Variants in LARP1B observed in about 807,000 individuals in gnomAD.
LARP1B encodes the protein La ribonucleoprotein 1B, also known as la-related protein 1B.
In LARP1B, 76 loss-of-function variants were observed where a neutral mutation model predicts 114.2. That is an observed-to-expected ratio of 0.67 (90% CI 0.55 to 0.81). LARP1B has a LOEUF of 0.81. Ranked by LOEUF, LARP1B falls within the 30% of genes least tolerant of loss-of-function variation. LARP1B has a pLI of 0.00. For synonymous variants in LARP1B, 345 were observed against 348.0 expected (o/e 0.99, Z 0.10); for missense variants, 1,014 against 1,075.8 (o/e 0.94, Z 0.80).
At chr4:128,106,804 T>C (rs1165679455) in intron 8 of LARP1B, among the ~76,000 whole-genome samples, 1 of 152,136 alleles carries the variant, frequency 6.6e-6, no homozygotes, top group African/African-American at 2.4e-5. Context: ...ACATTTTATT[T>C]GGTAATATTT....
intron 4 of LARP1B, among the ~76,000 whole-genome samples, chr4:128,079,092 C>CTT (rs75874776): frequency 5.0e-4 from 71 of 142,266 alleles, no homozygotes; most frequent in South Asian, 8.8e-4. Context: ...AATAGTTTGT[C>CTT]TTTTTTTTTT....
chr4:128,153,583 C>T (rs147047154), intron 11 of LARP1B, among the ~76,000 whole-genome samples: 100 of 152,332 alleles, frequency 6.6e-4, no homozygotes, highest in Non-Finnish European at 1.1e-3. Flanking sequence ...GAATTACAGG[C>T]ATGAGCCACA....
At chr4:128,118,358 A>G (rs957069923) in intron 10 of LARP1B, among the ~76,000 whole-genome samples, 3 of 150,908 alleles carry the variant, frequency 2.0e-5, no homozygotes, top group African/African-American at 4.9e-5. Context: ...CAGCCTCCCA[A>G]GTAGCTGGGA....
chr4:128,184,475 G>A (rs1464883121), intron 15 of LARP1B, among the ~76,000 whole-genome samples: 1 of 152,142 alleles, frequency 6.6e-6, no homozygotes, highest in Non-Finnish European at 1.5e-5. Flanking sequence ...GGGTGCATGT[G>A]ATATTTTGAT....
chr4:128,064,271 C>CAAAAA (rs10679400), intron 1 of LARP1B, among the ~76,000 whole-genome samples: 25,061 of 79,592 alleles, frequency 0.31, 6,381 homozygotes, highest in East Asian at 0.55. Flanking sequence ...GACTCAGTCT[C>CAAAAA]AAAAAAAAAA....
chr4:128,151,282 C>A (rs1732675060), intron 11 of LARP1B, among the ~76,000 whole-genome samples: 1 of 152,202 alleles, frequency 6.6e-6, no homozygotes, highest in Non-Finnish European at 1.5e-5. Flanking sequence ...CACTCTCCTA[C>A]ATAACCACAA....
At chr4:128,132,937 A>T (rs180982302) in intron 11 of LARP1B, among the ~76,000 whole-genome samples, 2 of 151,888 alleles carry the variant, frequency 1.3e-5, no homozygotes, top group Admixed American at 1.3e-4. Context: ...GGAGACAATG[A>T]CAGATCATCA....
intron 15 of LARP1B, among the ~76,000 whole-genome samples, chr4:128,187,944 C>A (rs1001981616): frequency 6.6e-6 from 1 of 152,130 alleles, no homozygotes; most frequent in Admixed American, 6.5e-5. Flanking sequence ...AAGTGCTGCT[C>A]CCCCTGCCTT....
chr4:128,138,101 C>T (rs549364098), intron 11 of LARP1B, among the ~76,000 whole-genome samples: 3 of 151,928 alleles, frequency 2.0e-5, no homozygotes, highest in Non-Finnish European at 2.9e-5. Context: ...GCAATATAAA[C>T]TCCCATAAAA....
intron 1 of LARP1B, among the ~76,000 whole-genome samples, chr4:128,063,116 T>C (rs903444398): frequency 6.6e-6 from 1 of 152,096 alleles, no homozygotes; most frequent in Non-Finnish European, 1.5e-5. Flanking sequence ...ATTTTGATTG[T>C]AGTAACTGCA....
chr4:128,122,721 C>T, intron 11 of LARP1B: 1 of 1,282,438 alleles, frequency 7.8e-7, no homozygotes, highest in Non-Finnish European at 9.8e-7. Flanking sequence ...GATTATCTCT[C>T]TTGGTCTAGT....
chr4:128,157,411 G>C (rs186467873), intron 11 of LARP1B, among the ~76,000 whole-genome samples: 1 of 152,286 alleles, frequency 6.6e-6, no homozygotes, highest in African/African-American at 2.4e-5. Flanking sequence ...TGGGGGAAGA[G>C]AGAGAGAATA....
At chr4:128,145,562 CT>C (rs1275859515) in intron 11 of LARP1B, among the ~76,000 whole-genome samples, 2 of 152,196 alleles carry the variant, frequency 1.3e-5, no homozygotes, top group African/African-American at 4.8e-5. Flanking sequence ...TATTGCCCCC[CT>C]CTTCCCTGCA....
At chr4:128,119,248 A>G (rs190046808) in intron 10 of LARP1B, among the ~76,000 whole-genome samples, 1 of 152,198 alleles carries the variant, frequency 6.6e-6, no homozygotes, top group Admixed American at 6.5e-5. Context: ...GAGAATAGGG[A>G]TGCTGGCTCT....
At chr4:128,151,744 A>G (rs1162291747) in intron 11 of LARP1B, among the ~76,000 whole-genome samples, 1 of 152,006 alleles carries the variant, frequency 6.6e-6, no homozygotes, top group African/African-American at 2.4e-5. Flanking sequence ...CTGGGATTAC[A>G]GGCATGCACT....
chr4:128,089,611 C>T (rs1775072831), intron 5 of LARP1B, among the ~76,000 whole-genome samples: 2 of 152,134 alleles, frequency 1.3e-5, no homozygotes, highest in African/African-American at 2.4e-5. Context: ...GCTGGGATTA[C>T]AGGTGTGAGC....
At chr4:128,220,409 G>C (rs1759924738) in exon 7 of LARP1B, 3 of 925,434 alleles carry the variant, frequency 3.2e-6, no homozygotes, top group Non-Finnish European at 3.9e-6. Flanking sequence ...TGGCAAAACG[G>C]AATGTCAGAT....
chr4:128,116,289 CAA>C (rs1785796195), intron 10 of LARP1B, among the ~76,000 whole-genome samples: 2 of 152,086 alleles, frequency 1.3e-5, no homozygotes, highest in Admixed American at 1.3e-4. Context: ...TGATTTATAT[CAA>C]AGTCAATACC....
intron 6 of LARP1B, among the ~76,000 whole-genome samples, chr4:128,217,231 C>T (rs1759580193): frequency 8.6e-6 from 1 of 116,312 alleles, no homozygotes; most frequent in African/African-American, 3.3e-5. Flanking sequence ...GGAACTGGTA[C>T]CATTCCTTCT....
Sources: gnomAD v4.1 joint callset for allele counts (sites outside exome capture counted in the v4.1 genomes callset) on GRCh38, gnomAD v4.1.1 for gene constraint, MANE v1.5 for transcripts, NCBI Gene and HGNC (gene_info 2026-07-23, HGNC 2026-07-21) for gene names.